SNX8: variants seen among roughly 807,000 people sequenced by gnomAD.
The protein encoded by SNX8 is sorting nexin-8.
A neutral mutation model predicts 51.6 loss-of-function variants in SNX8; 25 were observed. The observed-to-expected ratio is 0.48, with a 90% CI of 0.35 to 0.68. SNX8 has a LOEUF of 0.68. Among genes scored for constraint, SNX8 ranks in the 30% least tolerant of loss-of-function variants. The pLI, the probability that SNX8 is intolerant of heterozygous loss-of-function variation, is 0.00. For missense variants in SNX8, 695 were observed against 624.0 expected (o/e 1.11, Z -1.21); for synonymous variants, 324 against 277.0 (o/e 1.17, Z -1.68).
chr7:2,295,761 A>G (rs750254878), intron 1 of SNX8, among the ~76,000 whole-genome samples: 19 of 152,124 alleles, frequency 1.2e-4, no homozygotes, highest in Non-Finnish European at 2.5e-4. Flanking sequence ...ATTTTTGCAT[A>G]TGGTGAGAGC....
Position 2,332,224 on chromosome 7 carries a change from T to G in SNX8, c.-66+21998A>C, listed in dbSNP as rs184393975. Among the ~76,000 whole-genome samples, 145 of 149,730 alleles carry G rather than the reference T, an allele frequency of 9.7e-4. 1 individual carries two copies. Among genetic ancestry groups the G allele is most frequent in the Non-Finnish European group, 1.6e-3 (109 of 67,584 alleles). Reference sequence around the variant, plus strand: ...GCTGTCTCAGAAAAAAATATATATATATGTATATATAATATATACACATAT... The same window carrying G: ...GCTGTCTCAGAAAAAAATATATATAGATGTATATATAATATATACACATAT... On this transcript the variant is annotated intron_variant, in intron 1 of 5. Transcript: ENST00000435336.
At chr7:2,345,919 T>C (rs1424513915) in intron 1 of SNX8, among the ~76,000 whole-genome samples, 1 of 152,020 alleles carries the variant, frequency 6.6e-6, no homozygotes, top group Admixed American at 6.6e-5. Context: ...GCGATTCTCC[T>C]ACCTCAGCCT....
At chr7:2,319,116 A>C (rs934523232), upstream of SNX8, among the ~76,000 whole-genome samples, 1 of 152,006 alleles carries the variant, frequency 6.6e-6, no homozygotes, top group African/African-American at 2.4e-5. Flanking sequence ...AGACCAGCAG[A>C]TCACCTGAGT....
intron 5 of SNX8, among the ~76,000 whole-genome samples, chr7:2,265,660 C>T (rs1795446200): frequency 6.6e-6 from 1 of 152,114 alleles, no homozygotes; most frequent in Non-Finnish European, 1.5e-5. Context: ...TAAAAACAAA[C>T]AATCTTCAAG....
intron 1 of SNX8, among the ~76,000 whole-genome samples, chr7:2,342,411 T>TG (rs373299515): frequency 6.6e-6 from 1 of 151,992 alleles, no homozygotes; most frequent in Non-Finnish European, 1.5e-5. Context: ...CCCAGCACTT[T>TG]GGGGGGCTGA....
rs1215342965 is a variant in SNX8 at position 2,252,447 on chromosome 7, C to G, written c.*2609G>C. The G allele has an allele frequency of 6.6e-6, 1 of 152,390 alleles. No homozygotes were observed. The highest frequency in any genetic ancestry group is 1.5e-5 in the Non-Finnish European group (1 of 68,182). The allele number at this position is 152,390 out of a possible 1,614,324, so 9.4% of individuals were successfully genotyped here. ...TGAGAAGGAAGGTGGCCTCCGCCAC[C>G]CCTGCCTAGCAGGCCTCTTTCTGCT... On this transcript the variant is annotated 3_prime_UTR_variant, in exon 11 of 11. Transcript: ENST00000222990.
intron 1 of SNX8, among the ~76,000 whole-genome samples, chr7:2,339,026 C>G (rs1194345216): frequency 2.6e-5 from 4 of 152,094 alleles, no homozygotes; most frequent in Non-Finnish European, 5.9e-5. Flanking sequence ...ATCCTCCAAC[C>G]TCAGCCTCCC....
At chr7:2,290,659 A>C (rs1224398872) in intron 1 of SNX8, among the ~76,000 whole-genome samples, 1 of 152,226 alleles carries the variant, frequency 6.6e-6, no homozygotes, top group Non-Finnish European at 1.5e-5. Flanking sequence ...GCAGGGCAAC[A>C]GCCGCATGCC....
chr7:2,271,146 C>T (rs1215975379), intron 4 of SNX8, among the ~76,000 whole-genome samples: 2 of 152,228 alleles, frequency 1.3e-5, no homozygotes, highest in Admixed American at 1.3e-4. Flanking sequence ...TGGGTTCAAG[C>T]GATTCTCATG....
At chr7:2,285,496 GA>G (rs1796007341) in intron 1 of SNX8, among the ~76,000 whole-genome samples, 1 of 152,162 alleles carries the variant, frequency 6.6e-6, no homozygotes, top group Non-Finnish European at 1.5e-5. Flanking sequence ...CATGGCATTA[GA>G]CATGAGAGTT....
In SNX8 at chr7:2,254,982, GA is replaced by G. The variant is rs1795139917; in HGVS notation, c.*73del. On this transcript the variant is annotated 3_prime_UTR_variant, in exon 11 of 11. Transcript: ENST00000222990. ...GGGGAGGGGAGCTGCCGTCCAAAGG[GA>G]ATTACACCGGGACACACCGTTTGGA... is the stretch of plus-strand genomic sequence containing the variant. The G allele has an allele frequency of 9.7e-7, 1 of 1,030,658 alleles. No individual in the cohort carries two copies. Among genetic ancestry groups the G allele is most frequent in the Non-Finnish European group, 1.5e-6 (1 of 678,496 alleles). The allele number at this position is 1,030,658 out of a possible 1,614,324, so 63.8% of individuals were successfully genotyped here. A position where few individuals can be genotyped will look rare whatever the true frequency, so the allele number is the denominator to read the frequency against.
At position 2,332,804 on chromosome 7, in the gene SNX8, AAAAG is replaced by A. The variant is rs533487388; in HGVS notation, c.-66+21414_-66+21417del. ...GAGGGAAAGAAGGAAGGGAAGGAAG[AAAAG>A]AAAGAAAGAGAAAGAAAGGAAGGAA... On this transcript the variant is annotated intron_variant, in intron 1 of 5. Transcript: ENST00000435336. 5.0e-3 allele frequency among the ~76,000 whole-genome samples: 751 copies of A among 149,344 alleles called. 3 individuals carry two copies. The highest frequency in any genetic ancestry group is 6.7e-3 in the Non-Finnish European group (450 of 67,630).
chr7:2,295,372 C>G (rs1325068778), intron 1 of SNX8, among the ~76,000 whole-genome samples: 2 of 141,180 alleles, frequency 1.4e-5, no homozygotes, highest in Non-Finnish European at 3.0e-5. Flanking sequence ...CCATTGCACC[C>G]AGCCCGGGTA....
chr7:2,307,368 C>G (rs1468958960), intron 1 of SNX8, among the ~76,000 whole-genome samples: 1 of 151,896 alleles, frequency 6.6e-6, no homozygotes, highest in African/African-American at 2.4e-5. Flanking sequence ...TGCAGTGGCT[C>G]ACGCCTGTAA....
At chr7:2,303,846 A>T (rs1371808571) in intron 1 of SNX8, among the ~76,000 whole-genome samples, 1 of 151,994 alleles carries the variant, frequency 6.6e-6, no homozygotes, top group African/African-American at 2.4e-5. Flanking sequence ...TGCCTAGGAA[A>T]ACCAGAGACC....
At chr7:2,286,721 T>C (rs1267381481) in intron 1 of SNX8, among the ~76,000 whole-genome samples, 4 of 151,620 alleles carry the variant, frequency 2.6e-5, no homozygotes, top group Non-Finnish European at 5.9e-5. Flanking sequence ...GGTTTCACCA[T>C]GTTAGCCAGG....
chr7:2,267,011 G>C (rs183258708), intron 5 of SNX8, among the ~76,000 whole-genome samples: 4 of 152,204 alleles, frequency 2.6e-5, no homozygotes, highest in Admixed American at 6.5e-5. Flanking sequence ...CAGAGGGCAC[G>C]AGGTGCCTGG....
intron 1 of SNX8, among the ~76,000 whole-genome samples, chr7:2,307,012 A>G (rs557169371): frequency 6.6e-6 from 1 of 152,252 alleles, no homozygotes; most frequent in African/African-American, 2.4e-5. Context: ...TCAGATTTCC[A>G]TAACACACAA....
chr7:2,310,652 A>G (rs1040431386), intron 1 of SNX8, among the ~76,000 whole-genome samples: 2 of 152,120 alleles, frequency 1.3e-5, no homozygotes, highest in African/African-American at 4.8e-5. Context: ...CTGTAGTCCC[A>G]GCTACTCAGG....
Sources: allele counts gnomAD v4.1 joint callset (sites outside exome capture counted in the v4.1 genomes callset), GRCh38; gene constraint gnomAD v4.1.1; transcripts MANE v1.5; gene names NCBI Gene and HGNC (gene_info 2026-07-23, HGNC 2026-07-21).